TDRP: variants seen among roughly 807,000 people sequenced by gnomAD.
TDRP encodes testis development related protein.
TDRP carries 12 observed loss-of-function variants against 10.5 expected under a neutral mutation model. The ratio of observed to expected loss-of-function variants is 1.15; its 90% CI spans 0.73 to 1.86. The LOEUF (loss-of-function observed/expected upper bound fraction) is 1.86. Among genes scored for constraint, TDRP ranks in the 40% most tolerant of loss-of-function variants. The probability of loss-of-function intolerance (pLI) is 0.00; values close to 1 mark genes in which losing one functional copy is unlikely to be tolerated. For missense variants in TDRP, 353 were observed against 229.2 expected, an observed-to-expected ratio of 1.54 and a Z score of -3.49; for synonymous variants, 139 against 95.4, an observed-to-expected ratio of 1.46 and a Z score of -2.67.
intron 1 of TDRP, among the ~76,000 whole-genome samples, chr8:520,248 C>G (rs1334231387): frequency 6.6e-6 from 1 of 152,190 alleles, no homozygotes; most frequent in Non-Finnish European, 1.5e-5. Context: ...GCATAATATT[C>G]TCAAGTTCAT....
At chr8:520,856 T>C (rs543093208) in intron 1 of TDRP, among the ~76,000 whole-genome samples, 25 of 152,322 alleles carry the variant, frequency 1.6e-4, no homozygotes, top group Non-Finnish European at 2.9e-4. Context: ...ATTAGAGATA[T>C]GGCTGAGAAA....
chr8:525,340 T>C (rs908653805), intron 1 of TDRP, among the ~76,000 whole-genome samples: 2 of 152,158 alleles, frequency 1.3e-5, no homozygotes, highest in African/African-American at 2.4e-5. Flanking sequence ...AAGAAAAGGA[T>C]GTTAATTAGA....
intron 1 of TDRP, among the ~76,000 whole-genome samples, chr8:520,006 A>G (rs1801857478): frequency 6.6e-6 from 1 of 152,246 alleles, no homozygotes; most frequent in Non-Finnish European, 1.5e-5. Context: ...CAGAATGGGA[A>G]AGAAAGGGAA....
At chr8:527,212 G>C (rs1456833338) in intron 1 of TDRP, among the ~76,000 whole-genome samples, 1 of 151,990 alleles carries the variant, frequency 6.6e-6, no homozygotes, top group African/African-American at 2.4e-5. Context: ...CTGAACCAAA[G>C]AAGTTAAAGA....
chr8:532,005 A>C (rs755262892), intron 1 of TDRP, among the ~76,000 whole-genome samples: 15 of 152,158 alleles, frequency 9.9e-5, no homozygotes, highest in Non-Finnish European at 1.0e-4. Flanking sequence ...AGCAGAACAA[A>C]ACAAACAAAA....
chr8:494,487 G>T lies in TDRP; in HGVS notation c.212+7C>A. 5.0e-6 allele frequency: 8 copies of T among 1,612,124 alleles called. No homozygotes were observed. Among genetic ancestry groups the T allele is most frequent in the Non-Finnish European group, 6.8e-6 (8 of 1,178,390 alleles). ...AATGATCATTTTCTTACACAGTTAT[G>T]ACTTACCCTTTGGACTTGGGAGATT... On this transcript the variant is annotated splice_region_variant and intron_variant, in intron 2 of 2. Coordinates refer to ENST00000324079, the MANE Select transcript of TDRP (RefSeq NM_001384899.1).
chr8:491,744 T>C lies in TDRP; in HGVS notation c.*655A>G, dbSNP rs1015498804. The C allele has an allele frequency of 4.6e-5, 65 of 1,408,812 alleles. No individual in the cohort carries two copies. The highest frequency in any genetic ancestry group is 5.6e-5 in the Non-Finnish European group (61 of 1,091,332). The allele number at this position is 1,408,812 out of a possible 1,614,324, so 87.3% of individuals were successfully genotyped here. A position where few individuals can be genotyped will look rare whatever the true frequency, so the allele number is the denominator to read the frequency against. On this transcript the variant is annotated 3_prime_UTR_variant, in exon 3 of 3. Transcript: ENST00000324079. ...TTTAGAAGTTCAAAAGAGGTAAAAA[T>C]AAAATTCCAAAAAAGAACCACTGTT...
intron 1 of TDRP, among the ~76,000 whole-genome samples, chr8:510,119 C>G (rs1459441699): frequency 1.3e-5 from 2 of 152,208 alleles, no homozygotes; most frequent in Non-Finnish European, 2.9e-5. Flanking sequence ...GTTCACCAAC[C>G]AGGAAGCTCC....
At chr8:528,666 A>C (rs749950682) in intron 1 of TDRP, among the ~76,000 whole-genome samples, 1 of 131,024 alleles carries the variant, frequency 7.6e-6, no homozygotes. Context: ...ATAAATGCAT[A>C]AAGTGATGGA....
intron 1 of TDRP, among the ~76,000 whole-genome samples, chr8:501,682 A>C (rs544593101): frequency 2.0e-5 from 3 of 152,222 alleles, no homozygotes; most frequent in African/African-American, 4.8e-5. Context: ...ATTTAAAGTC[A>C]TAGGTCAGGA....
intron 1 of TDRP, among the ~76,000 whole-genome samples, chr8:525,819 T>G (rs1348634582): frequency 6.6e-6 from 1 of 152,188 alleles, no homozygotes; most frequent in Non-Finnish European, 1.5e-5. Flanking sequence ...AAGTCATTAT[T>G]TATCAATAAC....
chr8:509,378 T>C (rs1042778501), intron 1 of TDRP, among the ~76,000 whole-genome samples: 8 of 152,172 alleles, frequency 5.3e-5, no homozygotes, highest in African/African-American at 1.9e-4. Flanking sequence ...TTTCTGGACA[T>C]CCAGGTGTTT....
At chr8:521,348 CG>C (rs1390678249) in intron 1 of TDRP, among the ~76,000 whole-genome samples, 1 of 151,600 alleles carries the variant, frequency 6.6e-6, no homozygotes, top group African/African-American at 2.4e-5. Flanking sequence ...ACCCGGGAGG[CG>C]GGGCTTACAG....
intron 1 of TDRP, among the ~76,000 whole-genome samples, chr8:508,894 C>T (rs1219460775): frequency 1.3e-5 from 2 of 152,224 alleles, no homozygotes; most frequent in Non-Finnish European, 2.9e-5. Context: ...TTCCTAGATA[C>T]AATGGAGATA....
intron 1 of TDRP, among the ~76,000 whole-genome samples, chr8:506,994 C>G (rs1317638519): frequency 6.6e-6 from 1 of 152,138 alleles, no homozygotes; most frequent in African/African-American, 2.4e-5. Flanking sequence ...GTTTAATTGA[C>G]TCACAGTTCT....
At chr8:528,914 A>T (rs577647127) in intron 1 of TDRP, among the ~76,000 whole-genome samples, 73 of 152,210 alleles carry the variant, frequency 4.8e-4, no homozygotes, top group African/African-American at 1.6e-3. Flanking sequence ...AGGTCCCACA[A>T]CAGGATGTCT....
At chr8:514,118 A>C (rs1801690496) in intron 1 of TDRP, among the ~76,000 whole-genome samples, 1 of 152,208 alleles carries the variant, frequency 6.6e-6, no homozygotes, top group South Asian at 2.1e-4. Flanking sequence ...ACAAAATAAC[A>C]GGGGATTCAA....
At chr8:537,623 AT>A (rs1802381726) in intron 1 of TDRP, among the ~76,000 whole-genome samples, 1 of 152,316 alleles carries the variant, frequency 6.6e-6, no homozygotes, top group Non-Finnish European at 1.5e-5. Context: ...AGAAGTCTTC[AT>A]TGGTCTTGTA....
At chr8:508,174 T>A (rs1046029668) in intron 1 of TDRP, among the ~76,000 whole-genome samples, 9 of 152,258 alleles carry the variant, frequency 5.9e-5, no homozygotes, top group African/African-American at 2.2e-4. Context: ...AGACAGAAAT[T>A]ATCAAAAAGA....
Sources: allele counts gnomAD v4.1 joint callset (sites outside exome capture counted in the v4.1 genomes callset), GRCh38; gene constraint gnomAD v4.1.1; transcripts MANE v1.5; gene names NCBI Gene and HGNC (gene_info 2026-07-23, HGNC 2026-07-21).